AKAP13: variants seen among roughly 807,000 people sequenced by gnomAD.
The protein encoded by AKAP13 is A-kinase anchor protein 13.
Under a neutral mutation model 264.5 loss-of-function variants are expected in AKAP13, and 80 were observed. The observed-to-expected ratio is 0.30, with a 90% CI of 0.25 to 0.36. AKAP13 has a LOEUF of 0.36. AKAP13 is among the 10% of genes least tolerant of loss of function. The pLI is 1.00. For missense variants in AKAP13, 3,712 were observed against 3,435.2 expected (o/e 1.08, Z -2.01); for synonymous variants, 1,380 against 1,250.2 (o/e 1.10, Z -2.19).
chr15:85,676,552 C>T (rs1246798742), intron 14 of AKAP13, among the ~76,000 whole-genome samples: 3 of 152,124 alleles, frequency 2.0e-5, no homozygotes, highest in Non-Finnish European at 2.9e-5. Context: ...AACAGAGATC[C>T]GGCTTCCAGA....
chr15:85,575,450 G>A (rs761648372), intron 6 of AKAP13, 121 bp downstream of exon 6: 2 of 1,007,268 alleles, frequency 2.0e-6, no homozygotes, highest in Non-Finnish European at 3.0e-6. Flanking sequence ...TGCTTTCCTG[G>A]TGGGAGGCTG....
At position 85,707,999 on chromosome 15, in the gene AKAP13, T is replaced by C. The variant is rs773662637; in HGVS notation, c.5465-20T>C. The C allele has an allele frequency of 1.2e-6, 2 of 1,613,254 alleles. No homozygotes were observed. Among genetic ancestry groups the C allele is most frequent in the East Asian group, 4.5e-5 (2 of 44,850 alleles). Reference sequence around the variant, plus strand: ...TCTGTTTGCTTTGTCCATGTGACCTTGGGTTTGCTTTCTTTTCAGATTGCA... The same window carrying C: ...TCTGTTTGCTTTGTCCATGTGACCTCGGGTTTGCTTTCTTTTCAGATTGCA... On this transcript the variant is annotated intron_variant, in intron 17 of 36. Coordinates refer to ENST00000394518, the MANE Select transcript of AKAP13 (RefSeq NM_007200.5).
chr15:85,560,756 T>C (rs367914095), intron 5 of AKAP13, among the ~76,000 whole-genome samples: 1 of 152,216 alleles, frequency 6.6e-6, no homozygotes, highest in East Asian at 1.9e-4. Context: ...CCTTATCTTT[T>C]ACCTACTGAT....
At chr15:85,471,436 A>G (rs1017022149) in intron 1 of AKAP13, among the ~76,000 whole-genome samples, 1 of 152,228 alleles carries the variant, frequency 6.6e-6, no homozygotes, top group African/African-American at 2.4e-5. Flanking sequence ...CGGAGCTTGC[A>G]GTGAGCTGAG....
At chr15:85,442,532 A>T (rs545230460) in intron 1 of AKAP13, among the ~76,000 whole-genome samples, 26 of 124,196 alleles carry the variant, frequency 2.1e-4, no homozygotes, top group South Asian at 1.2e-3. Flanking sequence ...TATTATATAT[A>T]ATATATATTA....
chr15:85,509,367 G>T (rs1218346509), intron 2 of AKAP13, among the ~76,000 whole-genome samples: 1 of 152,264 alleles, frequency 6.6e-6, no homozygotes, highest in South Asian at 2.1e-4. Flanking sequence ...TGCTTGCTTT[G>T]TAATGGTATT....
intron 5 of AKAP13, among the ~76,000 whole-genome samples, chr15:85,555,005 C>A (rs547235304): frequency 1.3e-5 from 2 of 151,904 alleles, no homozygotes; most frequent in East Asian, 3.8e-4. Flanking sequence ...ATTATTAAGG[C>A]GAGAGTGGCA....
intron 8 of AKAP13, among the ~76,000 whole-genome samples, chr15:85,608,267 ATTC>A (rs1191992441): frequency 1.3e-5 from 2 of 152,196 alleles, no homozygotes; most frequent in Non-Finnish European, 2.9e-5. Context: ...GGCCAGGAGT[ATTC>A]TTCTAATACA....
intron 8 of AKAP13, among the ~76,000 whole-genome samples, chr15:85,636,615 A>T (rs1488041535): frequency 1.3e-5 from 2 of 148,428 alleles, no homozygotes; most frequent in African/African-American, 2.5e-5. Context: ...AATTTTGCTG[A>T]TTTTTTTTTT....
intron 4 of AKAP13, chr15:85,536,442 C>T (rs920233259): frequency 2.4e-4 from 37 of 152,246 alleles, no homozygotes; most frequent in African/African-American, 8.9e-4. Flanking sequence ...ATACACTTAG[C>T]GTATGACCCA....
chr15:85,521,692 T>C (rs2076829281), intron 3 of AKAP13, 117 bp downstream of exon 3: 1 of 1,177,630 alleles, frequency 8.5e-7, no homozygotes, highest in Non-Finnish European at 1.1e-6. Context: ...AAAAAATTTA[T>C]TAGTTTATAA....
At position 85,520,579 on chromosome 15, in the gene AKAP13, T is replaced by A. The variant is rs117404312; in HGVS notation, c.34-849T>A. On this transcript the variant is annotated intron_variant, in intron 2 of 36. Coordinates refer to ENST00000394518, the MANE Select transcript of AKAP13 (RefSeq NM_007200.5). The stretch of plus-strand genomic sequence containing the variant: ...AGTAGTTGCAAAGTCATAGACAAAG[T>A]TATTGGCTCAAGATTTTTGTCTGAT... 3,701 of 503,570 alleles carry A rather than the reference T, an allele frequency of 7.3e-3. 34 individuals are homozygous for A. The highest frequency in any genetic ancestry group is 0.012 in the Non-Finnish European group (2,985 of 253,268). The allele number at this position is 503,570 out of a possible 1,614,324, so 31.2% of individuals were successfully genotyped here.
chr15:85,747,509 T>C lies in AKAP13; in HGVS notation c.*2832T>C, dbSNP rs530706804. 1.3e-5 allele frequency: 2 copies of C among 152,746 alleles called. No individual in the cohort carries two copies. The highest frequency in any genetic ancestry group is 2.4e-5 in the African/African-American group (1 of 41,560). The allele number at this position is 152,746 out of a possible 1,614,324, so 9.5% of individuals were successfully genotyped here. On this transcript the variant is annotated 3_prime_UTR_variant, in exon 37 of 37. Coordinates refer to ENST00000394518, the MANE Select transcript of AKAP13 (RefSeq NM_007200.5). Reference sequence around the variant, plus strand: ...CTGTGCTTAAGTTTTGGGGGAAAGATGGAGTTCCTATCCAGAGCCCCCAGA... The same window carrying C: ...CTGTGCTTAAGTTTTGGGGGAAAGACGGAGTTCCTATCCAGAGCCCCCAGA...
chr15:85,590,081 C>G (rs527254626), intron 8 of AKAP13, among the ~76,000 whole-genome samples: 1 of 152,068 alleles, frequency 6.6e-6, no homozygotes, highest in African/African-American at 2.4e-5. Flanking sequence ...AATATTTAAC[C>G]TGATCTTTCT....
intron 10 of AKAP13, among the ~76,000 whole-genome samples, chr15:85,648,653 A>G (rs1027433962): frequency 6.6e-6 from 1 of 152,098 alleles, no homozygotes; most frequent in Non-Finnish European, 1.5e-5. Context: ...GCCTGGGCCA[A>G]TATAATGGGA....
At chr15:85,528,564 G>A (rs936354992) in intron 3 of AKAP13, among the ~76,000 whole-genome samples, 3 of 152,174 alleles carry the variant, frequency 2.0e-5, no homozygotes, top group Non-Finnish European at 1.5e-5. Context: ...CTCATTTTGT[G>A]TACAAGGAAA....
chr15:85,505,337 G>A (rs948055213), intron 2 of AKAP13, among the ~76,000 whole-genome samples: 3 of 152,182 alleles, frequency 2.0e-5, no homozygotes, highest in Non-Finnish European at 2.9e-5. Flanking sequence ...CTGTATCTTA[G>A]TGTTGCAAAA....
chr15:85,564,538 A>G (rs544263270), intron 5 of AKAP13, among the ~76,000 whole-genome samples: 31 of 152,312 alleles, frequency 2.0e-4, no homozygotes, highest in Middle Eastern at 3.4e-3. Context: ...TTTATATTCT[A>G]CTTTTCACCA....
chr15:85,648,728 A>G (rs974815901), intron 10 of AKAP13, among the ~76,000 whole-genome samples: 1 of 152,118 alleles, frequency 6.6e-6, no homozygotes, highest in Non-Finnish European at 1.5e-5. Context: ...GGTCCCAGCT[A>G]TTCAGGAGGC....
Sources: allele counts gnomAD v4.1 joint callset (sites outside exome capture counted in the v4.1 genomes callset), GRCh38; gene constraint gnomAD v4.1.1; transcripts MANE v1.5; gene names NCBI Gene and HGNC (gene_info 2026-07-23, HGNC 2026-07-21).